STAG1: variants seen among roughly 807,000 people sequenced by gnomAD.
STAG1 encodes STAG1 cohesin complex component, also known as cohesin subunit SA-1.
In STAG1, 26 loss-of-function variants were observed where a neutral mutation model predicts 170.9. The observed-to-expected ratio is 0.15, with a 90% confidence interval of 0.11 to 0.21. The LOEUF is 0.21. STAG1 is among the 10% of genes least tolerant of loss of function. The probability of loss-of-function intolerance (pLI) is 1.00; values close to 1 mark genes in which losing one functional copy is unlikely to be tolerated. For missense variants in STAG1, 964 were observed against 1,509.5 expected, an observed-to-expected ratio of 0.64 and a Z score of 5.99; for synonymous variants, 514 against 497.7, an observed-to-expected ratio of 1.03 and a Z score of -0.44.
chr3:136,709,394 T>C (rs536742837), intron 1 of STAG1, among the ~76,000 whole-genome samples: 2 of 152,208 alleles, frequency 1.3e-5, no homozygotes, highest in South Asian at 4.2e-4. Context: ...CAGGTTACCA[T>C]ATCATTTACA....
chr3:136,688,448 G>A (rs1942612353), intron 1 of STAG1, among the ~76,000 whole-genome samples: 1 of 152,000 alleles, frequency 6.6e-6, no homozygotes, highest in South Asian at 2.1e-4. Context: ...TGCCAAGGCT[G>A]CAGTGCAGTG....
At chr3:136,423,857 T>A (rs1038222585) in intron 16 of STAG1, among the ~76,000 whole-genome samples, 3 of 151,634 alleles carry the variant, frequency 2.0e-5, no homozygotes, top group Admixed American at 6.6e-5. Context: ...TTCAGTCTTT[T>A]TTTTTTTTAT....
At chr3:136,736,920 T>G (rs1934376033) in intron 1 of STAG1, 8 of 1,587,422 alleles carry the variant, frequency 5.0e-6, no homozygotes, top group Non-Finnish European at 5.2e-6. Context: ...CCTGATCTAG[T>G]AGCAACTTGT....
chr3:136,735,123 C>T (rs1323588253), intron 1 of STAG1, among the ~76,000 whole-genome samples: 1 of 148,060 alleles, frequency 6.8e-6, no homozygotes, highest in East Asian at 2.0e-4. Context: ...TCCTTACTCC[C>T]TTTTTTTTTT....
intron 16 of STAG1, among the ~76,000 whole-genome samples, chr3:136,432,703 C>G (rs2088344544): frequency 6.6e-6 from 1 of 152,114 alleles, no homozygotes; most frequent in Non-Finnish European, 1.5e-5. Context: ...GACGGGGTTT[C>G]ACTATGTTGG....
intron 21 of STAG1, among the ~76,000 whole-genome samples, chr3:136,404,796 G>C (rs891425358): frequency 6.6e-6 from 1 of 151,960 alleles, no homozygotes. Context: ...AGAAAACTGA[G>C]TTTACCTGGA....
intron 1 of STAG1, among the ~76,000 whole-genome samples, chr3:136,719,592 T>G (rs1480811891): frequency 3.8e-5 from 5 of 130,322 alleles, no homozygotes; most frequent in African/African-American, 1.1e-4. Context: ...AGTGGGTAGA[T>G]GGGTGGATGG....
intron 6 of STAG1, among the ~76,000 whole-genome samples, chr3:136,536,429 C>T (rs1177125539): frequency 6.6e-6 from 1 of 152,014 alleles, no homozygotes; most frequent in Non-Finnish European, 1.5e-5. Context: ...ATATAAAACA[C>T]AGAATAGGAC....
intron 6 of STAG1, among the ~76,000 whole-genome samples, chr3:136,522,694 T>A (rs6773949): frequency 0.19 from 29,252 of 150,612 alleles, 3,184 homozygotes; most frequent in Non-Finnish European, 0.24. Context: ...ACATGAGGTA[T>A]ATCTCCTAAT....
In STAG1 at chr3:136,397,597, C is replaced by A. The variant is rs148474072; in HGVS notation, c.2277+1152G>T. On this transcript the variant is annotated intron_variant, in intron 22 of 33. Transcript: ENST00000383202. ...ACAGACTCTTTTCCTTATAATCCCCCAGCCCCTGAAGGAAACTGGAGTGCG... is the reference window on the plus strand; with the variant it reads ...ACAGACTCTTTTCCTTATAATCCCCAAGCCCCTGAAGGAAACTGGAGTGCG... 5.4e-3 allele frequency among the ~76,000 whole-genome samples: 821 copies of A among 152,182 alleles called. 8 individuals carry two copies. Among genetic ancestry groups the A allele is most frequent in the African/African-American group, 0.018 (761 of 41,532 alleles).
At chr3:136,359,885 T>C (rs1936795095) in intron 26 of STAG1, among the ~76,000 whole-genome samples, 1 of 152,254 alleles carries the variant, frequency 6.6e-6, no homozygotes, top group African/African-American at 2.4e-5. Context: ...ATCTATTCTT[T>C]TTGTTATTGT....
At chr3:136,533,944 C>G (rs1168217166) in intron 6 of STAG1, among the ~76,000 whole-genome samples, 1 of 152,092 alleles carries the variant, frequency 6.6e-6, no homozygotes, top group East Asian at 1.9e-4. Flanking sequence ...GCAAAACAAA[C>G]AAACAAATGA....
chr3:136,631,933 A>T (rs1019276747), intron 1 of STAG1, among the ~76,000 whole-genome samples: 4 of 152,234 alleles, frequency 2.6e-5, no homozygotes, highest in African/African-American at 9.6e-5. Flanking sequence ...GTAAGATCAG[A>T]GAATTCCCAA....
At chr3:136,623,673 G>A (rs1423276277) in intron 2 of STAG1, among the ~76,000 whole-genome samples, 7 of 152,010 alleles carry the variant, frequency 4.6e-5, no homozygotes, top group Non-Finnish European at 7.4e-5. Context: ...TAAGACATAC[G>A]GCCGGGCACG....
rs80013096 is a variant in STAG1, at chr3:136,675,966, G to A, written c.-83-44985C>T. Among the ~76,000 whole-genome samples the A allele has an allele frequency of 9.1e-3, 1,383 of 152,268 alleles. 28 individuals are homozygous for A. Among genetic ancestry groups the A allele is most frequent in the African/African-American group, 0.03 (1,233 of 41,532 alleles). On this transcript the variant is annotated intron_variant, in intron 1 of 33. Coordinates refer to ENST00000383202, the MANE Select transcript of STAG1 (RefSeq NM_005862.3). ...AGAATGTACTTACACAAATGTAGAT[G>A]GTGTAGCCTGCTACACACCTAAGCT...
intron 1 of STAG1, among the ~76,000 whole-genome samples, chr3:136,692,568 G>T (rs1942761812): frequency 6.6e-6 from 1 of 152,078 alleles, no homozygotes; most frequent in Non-Finnish European, 1.5e-5. Context: ...CCAAGAGATG[G>T]TGGTTGCAGC....
At chr3:136,419,622 TG>T (rs1164781343) in intron 20 of STAG1, among the ~76,000 whole-genome samples, 2 of 104,058 alleles carry the variant, frequency 1.9e-5, no homozygotes, top group South Asian at 4.1e-4. Context: ...TTTTTGTGTG[TG>T]TTTTTTTTTT....
chr3:136,613,752 T>G (rs1559910072), intron 3 of STAG1, among the ~76,000 whole-genome samples: 2 of 152,144 alleles, frequency 1.3e-5, no homozygotes. Flanking sequence ...CTTCCCAAAG[T>G]GCTAGAATTA....
intron 4 of STAG1, among the ~76,000 whole-genome samples, chr3:136,600,699 T>A (rs1053766363): frequency 3.3e-5 from 5 of 150,058 alleles, no homozygotes; most frequent in African/African-American, 1.2e-4. Flanking sequence ...GCCCAGCTAA[T>A]TTTTTTTTTA....
Sources: gnomAD v4.1 joint callset for allele counts (sites outside exome capture counted in the v4.1 genomes callset) on GRCh38, gnomAD v4.1.1 for gene constraint, MANE v1.5 for transcripts, NCBI Gene and HGNC (gene_info 2026-07-23, HGNC 2026-07-21) for gene names.